The following RRM2B variants were observed in gnomAD, a reference collection of about 807,000 sequenced individuals.
The protein encoded by RRM2B is ribonucleoside-diphosphate reductase subunit M2 B.
RRM2B carries 20 observed loss-of-function variants against 45.9 expected under a neutral mutation model. That is an observed-to-expected ratio of 0.44 (90% CI 0.31 to 0.63). The LOEUF is 0.63. RRM2B is among the 30% of genes least tolerant of loss of function. The pLI is 0.09. For missense variants in RRM2B, 320 were observed against 414.7 expected (o/e 0.77, Z 1.98); for synonymous variants, 124 against 132.3 (o/e 0.94, Z 0.43).
At chr8:102,216,242 T>C (rs1302516298) in intron 6 of RRM2B, among the ~76,000 whole-genome samples, 3 of 152,008 alleles carry the variant, frequency 2.0e-5, no homozygotes, top group African/African-American at 4.8e-5. Flanking sequence ...CAAGAGTGTT[T>C]AAAATAAAAT....
intron 1 of RRM2B, chr8:102,238,399 C>T (rs1811160820): frequency 2.0e-6 from 1 of 506,774 alleles, no homozygotes; most frequent in Non-Finnish European, 3.2e-6. Context: ...AATTTCCACA[C>T]GCGTTCTCCA....
rs372181973 is a variant in RRM2B, at chr8:102,224,135, A to C, written c.461T>G (p.Phe154Cys). 8 of 1,601,186 alleles carry C rather than the reference A, an allele frequency of 5.0e-6. No homozygotes were observed. The highest frequency in any genetic ancestry group is 6.8e-6 in the Non-Finnish European group (8 of 1,168,488). ...TYIRDPKKRE[F>C]LFNAIETMPY... ...CATGGTTTCAATTGCATTAAATAAA[A>C]ATTCCCTGTAAAAACAAAAGAATGA... The change falls in exon 5 of 9, where the codon TTT becomes TGT. Residue 154 changes from phenylalanine (F) to cysteine (C), a missense_variant. Physicochemically the swap from Phe to Cys is radical, Grantham distance 205 (BLOSUM62 -2). Coordinates refer to ENST00000251810, the MANE Select transcript of RRM2B (RefSeq NM_015713.5).
rs185981581 is a variant in RRM2B, at chr8:102,214,983, G to A, written c.685-825C>T. 8.9e-4 allele frequency among the ~76,000 whole-genome samples: 127 copies of A among 142,034 alleles called. 1 individual carries two copies. Among genetic ancestry groups the A allele is most frequent in the Admixed American group, 7.3e-4 (10 of 13,692 alleles). 93.2% of individuals were successfully genotyped at this position (142,034 alleles called of 152,430 possible). On this transcript the variant is annotated intron_variant, in intron 6 of 8. Coordinates refer to ENST00000251810, the MANE Select transcript of RRM2B (RefSeq NM_015713.5). ...TTAAGTAATTGGAGAATAGGTGAAG[G>A]AGAGTCAACCTACAATAATCAGGAC...
chr8:102,208,616 G>A (rs1020328950), intron 8 of RRM2B, among the ~76,000 whole-genome samples: 1 of 152,090 alleles, frequency 6.6e-6, no homozygotes, highest in African/African-American at 2.4e-5. Context: ...TACACCATGA[G>A]CATTTTTCAT....
chr8:102,216,121 C>A (rs774232721), intron 6 of RRM2B, among the ~76,000 whole-genome samples: 3 of 151,520 alleles, frequency 2.0e-5, no homozygotes, highest in Non-Finnish European at 4.4e-5. Flanking sequence ...TAAAAATAGC[C>A]ATGAAACCGA....
Position 102,232,164 on chromosome 8 carries a change from G to A in RRM2B, c.189C>T (p.Phe63=). 1 of 1,614,158 alleles carries A rather than the reference G, an allele frequency of 6.2e-7. No individual in the cohort carries two copies. The highest frequency in any genetic ancestry group is 8.5e-7 in the Non-Finnish European group (1 of 1,179,990). Residue 63 remains phenylalanine, a synonymous_variant, in exon 2 of 9, where the codon TTC becomes TTT. Transcript: ENST00000251810. ...TGCCACGTACCTCTTCTGCTGTCCA[G>A]AAGGAAGCCTGTGCCTGTTTATACA... ...WKMYKQAQAS[F]WTAEEVDLSK...
chr8:102,216,723 A>G (rs1012957975), intron 6 of RRM2B, among the ~76,000 whole-genome samples: 1 of 152,164 alleles, frequency 6.6e-6, no homozygotes, highest in African/African-American at 2.4e-5. Flanking sequence ...AACTACAGAA[A>G]AAATACAAAT....
intron 1 of RRM2B, among the ~76,000 whole-genome samples, chr8:102,236,096 CA>C (rs1811116234): frequency 6.6e-6 from 1 of 152,076 alleles, no homozygotes; most frequent in African/African-American, 2.4e-5. Context: ...GGATGCAGGA[CA>C]AGGAAAAGCA....
chr8:102,221,222 T>C (rs971448374), intron 5 of RRM2B, among the ~76,000 whole-genome samples: 2 of 152,218 alleles, frequency 1.3e-5, no homozygotes, highest in Non-Finnish European at 2.9e-5. Flanking sequence ...ACTTCCAAGC[T>C]AATAATTTTT....
chr8:102,234,060 A>T (rs1811077962), intron 1 of RRM2B, among the ~76,000 whole-genome samples: 1 of 152,006 alleles, frequency 6.6e-6, no homozygotes, highest in Non-Finnish European at 1.5e-5. Flanking sequence ...GGCCTTTGTT[A>T]TTTTTATTAC....
Position 102,218,863 on chromosome 8 carries a change from C to T in RRM2B, c.635G>A (p.Gly212Asp). Residue 212 changes from glycine (G) to aspartate (D), a missense_variant, in exon 6 of 9, where the codon GGT (glycine) becomes GAT (aspartate). Coordinates refer to ENST00000251810, the MANE Select transcript of RRM2B (RefSeq NM_015713.5). ...GGAAAAAGTGAGTCCTGGCATAAGACCTCTCTTCTTTAGCCAGAATATAGC... is the reference window on the plus strand; with the variant it reads ...GGAAAAAGTGAGTCCTGGCATAAGATCTCTCTTCTTTAGCCAGAATATAGC... The part of the protein sequence containing the change: ...FAAIFWLKKR[G>D]LMPGLTFSNE... The T allele has an allele frequency of 6.2e-7, 1 of 1,613,882 alleles. No homozygotes were observed.
intron 2 of RRM2B, among the ~76,000 whole-genome samples, chr8:102,229,008 C>T (rs1810982328): frequency 6.6e-6 from 1 of 152,202 alleles, no homozygotes; most frequent in African/African-American, 2.4e-5. Context: ...GTAATCCCAG[C>T]ACTTTGGGAG....
At chr8:102,209,200 CTG>C (rs963100682) in intron 8 of RRM2B, among the ~76,000 whole-genome samples, 20 of 151,996 alleles carry the variant, frequency 1.3e-4, no homozygotes, top group African/African-American at 4.8e-4. Context: ...TTGATGGAAA[CTG>C]TGGGATATTT....
At chr8:102,238,129 A>G (rs1340762625) in intron 1 of RRM2B, among the ~76,000 whole-genome samples, 1 of 152,258 alleles carries the variant, frequency 6.6e-6, no homozygotes, top group Non-Finnish European at 1.5e-5. Context: ...TTTTATCAGC[A>G]TAAACAACTT....
At chr8:102,231,174 A>C (rs1426371553) in intron 2 of RRM2B, among the ~76,000 whole-genome samples, 4 of 152,256 alleles carry the variant, frequency 2.6e-5, no homozygotes, top group African/African-American at 9.6e-5. Context: ...GTTAGACTAC[A>C]GGGCAATCAT....
At chr8:102,221,208 A>G (rs1178441499) in intron 5 of RRM2B, among the ~76,000 whole-genome samples, 20 of 152,230 alleles carry the variant, frequency 1.3e-4, no homozygotes, top group Admixed American at 1.3e-3. Context: ...TCCTTATAAC[A>G]TAAACTTCCA....
chr8:102,231,868 C>CA lies in RRM2B; in HGVS notation c.204+280dup, dbSNP rs1250881056. 0.13 allele frequency among the ~76,000 whole-genome samples: 8,048 copies of CA among 60,752 alleles called. 469 individuals are homozygous for CA. Among genetic ancestry groups the CA allele is most frequent in the African/African-American group, 0.22 (4,272 of 19,260 alleles). 39.9% of individuals were successfully genotyped at this position (60,752 alleles called of 152,430 possible). A position where few individuals can be genotyped will look rare whatever the true frequency, so the allele number is the denominator to read the frequency against. ...TGGGTGACAGAGTGAGACTCTGTCT[C>CA]AAAAAAAAAAAAAAAAAAGAAAAAG... On this transcript the variant is annotated intron_variant, in intron 2 of 8. Coordinates refer to ENST00000251810, the MANE Select transcript of RRM2B (RefSeq NM_015713.5).
chr8:102,221,760 T>C (rs1015971468), intron 5 of RRM2B, among the ~76,000 whole-genome samples: 2 of 152,320 alleles, frequency 1.3e-5, no homozygotes, highest in East Asian at 3.9e-4. Context: ...TATTTCTAGG[T>C]TGTCCTTCTT....
Position 102,214,351 on chromosome 8 carries a change from A to C in RRM2B, c.685-193T>G, listed in dbSNP as rs527482056. 1.2e-4 allele frequency: 74 copies of C among 599,754 alleles called. No homozygotes were observed. In the South Asian group the frequency reaches 1.3e-3, roughly 10 times the overall value. The allele number at this position is 599,754 out of a possible 1,614,324, so 37.2% of individuals were successfully genotyped here. A position where few individuals can be genotyped will look rare whatever the true frequency, so the allele number is the denominator to read the frequency against. On this transcript the variant is annotated intron_variant, in intron 6 of 8. Transcript: ENST00000251810. Reference sequence around the variant, plus strand: ...AATGCCAATACAATAACCTATAATAAAAATTTTCAATGCCAGCAAATCTTA... The same window carrying C: ...AATGCCAATACAATAACCTATAATACAAATTTTCAATGCCAGCAAATCTTA...
Sources: gnomAD v4.1 joint callset for allele counts (sites outside exome capture counted in the v4.1 genomes callset) on GRCh38, gnomAD v4.1.1 for gene constraint, MANE v1.5 for transcripts, NCBI Gene and HGNC (gene_info 2026-07-23, HGNC 2026-07-21) for gene names.